The following CC2D2A variants were observed in gnomAD, a reference collection of about 807,000 sequenced individuals.
CC2D2A encodes the protein coiled-coil and C2 domain containing 2A.
Under a neutral mutation model 212.9 loss-of-function variants are expected in CC2D2A, and 155 were observed. The ratio of observed to expected loss-of-function variants is 0.73; its 90% CI spans 0.64 to 0.83. The LOEUF (loss-of-function observed/expected upper bound fraction) is 0.83. CC2D2A is among the 40% of genes least tolerant of loss of function. CC2D2A has a pLI of 0.00. For missense variants in CC2D2A, 1,856 were observed against 1,956.2 expected (o/e 0.95, Z 0.97); for synonymous variants, 667 against 686.5 (o/e 0.97, Z 0.44).
chr4:15,583,580 T>C (rs1443939717), intron 30 of CC2D2A, among the ~76,000 whole-genome samples: 1 of 152,120 alleles, frequency 6.6e-6, no homozygotes, highest in Non-Finnish European at 1.5e-5. Context: ...CAATCCCATA[T>C]ACAATAGCTA....
chr4:15,567,134 T>G (rs923747620), intron 24 of CC2D2A, among the ~76,000 whole-genome samples: 5 of 151,782 alleles, frequency 3.3e-5, no homozygotes, highest in African/African-American at 9.7e-5. Flanking sequence ...AATACAAAAA[T>G]TAGCTAGGTG....
chr4:15,563,644 T>C (rs1719727844), intron 24 of CC2D2A, 122 bp downstream of exon 24: 1 of 1,076,284 alleles, frequency 9.3e-7, no homozygotes, highest in Non-Finnish European at 1.4e-6. Context: ...GACTGAGGGT[T>C]CTTGCAAAGC....
At position 15,601,360 on chromosome 4, in the gene CC2D2A, C is replaced by T; in HGVS notation, c.4798C>T (p.His1600Tyr). The change falls in exon 37 of 37, where the codon CAC (histidine) becomes TAC (tyrosine). Residue 1600 changes from histidine (H) to tyrosine (Y), a missense_variant. Physicochemically the swap from His to Tyr is moderately conservative, Grantham distance 83. Transcript: ENST00000424120. ...TGAATTTGCTTTAGCTGTATACATACACCCATACCCCAAAAATGTTTTGTC... is the reference window on the plus strand; with the variant it reads ...TGAATTTGCTTTAGCTGTATACATATACCCATACCCCAAAAATGTTTTGTC... ...NVEFALAVYI[H>Y]PYPKNVLSVW... 6.3e-7 allele frequency: 1 copy of T among 1,592,756 alleles called. No individual in the cohort carries two copies. The highest frequency in any genetic ancestry group is 1.1e-5 in the South Asian group (1 of 87,452).
intron 8 of CC2D2A, among the ~76,000 whole-genome samples, chr4:15,513,694 T>A (rs888295299): frequency 3.3e-5 from 5 of 152,252 alleles, no homozygotes; most frequent in Non-Finnish European, 5.9e-5. Context: ...TCTGCAGTTT[T>A]TCTCTGGGTG....
chr4:15,475,404 C>T lies in CC2D2A; in HGVS notation c.-18-511C>T, dbSNP rs115150323. ...GATGAAAGTGAAGAATTGTCAGGATCAAGGGCCTGGAGGAGGAGGAATGAT... is the reference window on the plus strand; with the variant it reads ...GATGAAAGTGAAGAATTGTCAGGATTAAGGGCCTGGAGGAGGAGGAATGAT... On this transcript the variant is annotated intron_variant, in intron 1 of 36. Transcript: ENST00000424120. Among the ~76,000 whole-genome samples, 664 of 152,172 alleles carry T rather than the reference C, an allele frequency of 4.4e-3. 6 individuals carry two copies. The highest frequency in any genetic ancestry group is 0.015 in the African/African-American group (622 of 41,516).
At position 15,493,724 on chromosome 4, in the gene CC2D2A, T is replaced by C. The variant is rs150546035; in HGVS notation, c.248-8705T>C. ...CTCCCCCACTGGCATACATTCTCTA[T>C]GGGGGTGGAGGCATTCATTTGTTTT... On this transcript the variant is annotated intron_variant, in intron 4 of 36. Transcript: ENST00000424120. 2.6e-3 allele frequency among the ~76,000 whole-genome samples: 390 copies of C among 152,302 alleles called. 2 individuals are homozygous for C. Among genetic ancestry groups the C allele is most frequent in the African/African-American group, 9.0e-3 (374 of 41,566 alleles).
chr4:15,484,547 G>A (rs948373621), intron 4 of CC2D2A, among the ~76,000 whole-genome samples: 2 of 152,182 alleles, frequency 1.3e-5, no homozygotes, highest in Non-Finnish European at 2.9e-5. Context: ...CCAGGTGGGA[G>A]TTATTGGGGA....
chr4:15,599,674 G>A lies in CC2D2A; in HGVS notation c.4642G>A (p.Ala1548Thr), dbSNP rs765663619. Reference protein sequence around the residue: ...QGEDVEDDHRAELLKQLGDYR... With the variant: ...QGEDVEDDHRTELLKQLGDYR... ...AGAAGATGTAGAAGATGACCACAGA[G>A]CAGAACTGCTAAAACAGCTGGGAGA... The change falls in exon 36 of 37, where the codon GCA becomes ACA. Residue 1548 changes from alanine to threonine, a missense_variant. Around this residue, in one of 5 missense-constraint regions of CC2D2A, gnomAD observed 285 missense variants for 278.4 expected, o/e 1.02. Coordinates refer to ENST00000424120, the MANE Select transcript of CC2D2A (RefSeq NM_001378615.1). 1 of 1,612,950 alleles carries A rather than the reference G, an allele frequency of 6.2e-7. No homozygotes were observed. Among genetic ancestry groups the A allele is most frequent in the Non-Finnish European group, 8.5e-7 (1 of 1,179,158 alleles).
chr4:15,592,443 T>C (rs748931362), intron 33 of CC2D2A, among the ~76,000 whole-genome samples: 8 of 152,226 alleles, frequency 5.3e-5, no homozygotes, highest in African/African-American at 9.6e-5. Context: ...AGAAGCACCA[T>C]TGTCTTGCTA....
chr4:15,506,755 T>C (rs1334964394), intron 6 of CC2D2A, among the ~76,000 whole-genome samples: 1 of 152,128 alleles, frequency 6.6e-6, no homozygotes, highest in African/African-American at 2.4e-5. Context: ...AGCACAGGAA[T>C]CTGATCTTTA....
intron 3 of CC2D2A, chr4:15,479,133 T>C: frequency 1.1e-6 from 1 of 906,140 alleles, no homozygotes; most frequent in South Asian, 1.4e-5. Flanking sequence ...CCATGGACTA[T>C]GATGGGCAGT....
intron 4 of CC2D2A, 41 bp from the exon 5 acceptor site, chr4:15,502,387 CT>C (rs772212632): frequency 2.0e-3 from 2,451 of 1,245,838 alleles, no homozygotes; most frequent in South Asian, 2.9e-3. Context: ...TTTTCTTTTT[CT>C]TTTTTTTTTA....
chr4:15,565,275 G>A (rs1719828726), intron 24 of CC2D2A, among the ~76,000 whole-genome samples: 2 of 152,274 alleles, frequency 1.3e-5, no homozygotes, highest in East Asian at 3.9e-4. Flanking sequence ...ACTAAATTAA[G>A]GGAGCATAGT....
intron 30 of CC2D2A, among the ~76,000 whole-genome samples, chr4:15,583,704 C>T (rs1386107802): frequency 6.6e-6 from 1 of 152,132 alleles, no homozygotes; most frequent in African/African-American, 2.4e-5. Flanking sequence ...AATCCCAGCA[C>T]TTTGGGAGGC....
chr4:15,567,569 C>T (rs1364821713), intron 25 of CC2D2A, 87 bp downstream of exon 25: 1 of 1,349,670 alleles, frequency 7.4e-7, no homozygotes, highest in Non-Finnish European at 1.0e-6. Context: ...CTGCTCTCTG[C>T]TTCATTTTCT....
chr4:15,481,366 C>G, intron 4 of CC2D2A: 1 of 363,120 alleles, frequency 2.8e-6, no homozygotes. Context: ...AAAAAATTAG[C>G]CAGGCGTGGT....
Position 15,471,628 on chromosome 4 carries a change from C to CA in CC2D2A, c.-19+1585dup, listed in dbSNP as rs55660009. Among the ~76,000 whole-genome samples the CA allele has an allele frequency of 3.9e-3, 475 of 122,554 alleles. 2 individuals are homozygous for CA. Among genetic ancestry groups the CA allele is most frequent in the South Asian group, 0.011 (42 of 3,962 alleles). 80.4% of individuals were successfully genotyped at this position (122,554 alleles called of 152,430 possible). Reference sequence around the variant, plus strand: ...GGAAGTATGATTGCAATGTTGCAGACAAAAAAAAAAAAAACGTGTCTCAGA... The same window carrying CA: ...GGAAGTATGATTGCAATGTTGCAGACAAAAAAAAAAAAAAACGTGTCTCAGA... On this transcript the variant is annotated intron_variant, in intron 1 of 36. Coordinates refer to ENST00000424120, the MANE Select transcript of CC2D2A (RefSeq NM_001378615.1).
intron 20 of CC2D2A, among the ~76,000 whole-genome samples, chr4:15,555,868 A>G (rs1473166): frequency 4.6e-5 from 7 of 152,098 alleles, no homozygotes; most frequent in Non-Finnish European, 2.9e-5. Flanking sequence ...TTCTCCAGAG[A>G]GGAAGCTGAG....
intron 34 of CC2D2A, 143 bp from the exon 35 acceptor site, chr4:15,597,264 G>T (rs771084218): frequency 1.5e-6 from 1 of 655,888 alleles, no homozygotes; most frequent in Non-Finnish European, 2.7e-6. Flanking sequence ...TACTTTTGGT[G>T]GGTCATGGGT....
Sources: gnomAD v4.1 joint callset for allele counts (sites outside exome capture counted in the v4.1 genomes callset) on GRCh38, gnomAD v4.1.1 for gene constraint, gnomAD v4.1.1 regional missense constraint, MANE v1.5 for transcripts, NCBI Gene and HGNC (gene_info 2026-07-23, HGNC 2026-07-21) for gene names.